The following RERG variants were observed in gnomAD, a reference collection of about 807,000 sequenced individuals.
RERG encodes the protein ras-related and estrogen-regulated growth inhibitor.
Under a neutral mutation model 23.2 loss-of-function variants are expected in RERG, and 25 were observed. The ratio of observed to expected loss-of-function variants is 1.08; its 90% CI spans 0.79 to 1.50. The LOEUF is 1.50. Ranked by LOEUF, RERG falls within the 40% of genes most tolerant of loss-of-function variation. The pLI is 0.00. For synonymous variants in RERG, 81 were observed against 89.1 expected (o/e 0.91, Z 0.51); for missense variants, 253 against 250.1 (o/e 1.01, Z -0.08).
intron 2 of RERG, among the ~76,000 whole-genome samples, chr12:15,145,385 C>G (rs1158998092): frequency 6.6e-6 from 1 of 152,194 alleles, no homozygotes; most frequent in Non-Finnish European, 1.5e-5. Flanking sequence ...TCCTTCACAG[C>G]CTGTCAGGGC....
chr12:15,216,132 G>C (rs540050951), intron 2 of RERG, among the ~76,000 whole-genome samples: 11 of 152,240 alleles, frequency 7.2e-5, no homozygotes, highest in African/African-American at 2.2e-4. Flanking sequence ...CCACTCACAG[G>C]AATCATTTCC....
intron 2 of RERG, among the ~76,000 whole-genome samples, chr12:15,147,003 G>A (rs7306411): frequency 0.041 from 6,171 of 150,578 alleles, 464 homozygotes; most frequent in African/African-American, 0.14. Flanking sequence ...CTTCAAAAAC[G>A]CCTTCTCTTT....
intron 2 of RERG, among the ~76,000 whole-genome samples, chr12:15,203,136 CTA>C (rs1190866503): frequency 1.3e-5 from 2 of 151,682 alleles, no homozygotes; most frequent in African/African-American, 4.8e-5. Flanking sequence ...AATTTAAACA[CTA>C]TTCTCAGTTT....
rs56033971 is a variant in RERG at position 15,148,847 on chromosome 12, G to GTTTTT, written c.62-27733_62-27729dup. On this transcript the variant is annotated intron_variant, in intron 2 of 4. Coordinates refer to ENST00000256953, the MANE Select transcript of RERG (RefSeq NM_032918.3). ...AATTCATTTGCAGTCCTTTAACTCT[G>GTTTTT]TTTTTTTTTTTTTTTTTTTTTTTTT... is the stretch of plus-strand genomic sequence containing the variant. Among the ~76,000 whole-genome samples, 21 of 45,560 alleles carry GTTTTT rather than the reference G, an allele frequency of 4.6e-4. 2 individuals are homozygous for GTTTTT. Among genetic ancestry groups the GTTTTT allele is most frequent in the African/African-American group, 7.1e-4 (12 of 16,946 alleles). 29.9% of individuals were successfully genotyped at this position (45,560 alleles called of 152,430 possible).
chr12:15,210,443 G>A (rs1865351268), intron 2 of RERG, among the ~76,000 whole-genome samples: 1 of 151,998 alleles, frequency 6.6e-6, no homozygotes, highest in African/African-American at 2.4e-5. Flanking sequence ...ATTTTGTTTT[G>A]TTTTGTTTTC....
At chr12:15,218,894 A>G (rs1364855175) in intron 1 of RERG, among the ~76,000 whole-genome samples, 1 of 151,974 alleles carries the variant, frequency 6.6e-6, no homozygotes, top group Non-Finnish European at 1.5e-5. Flanking sequence ...CATGGTGTCC[A>G]CTGCATTCCA....
intron 2 of RERG, among the ~76,000 whole-genome samples, chr12:15,138,744 T>C (rs954816921): frequency 6.6e-6 from 1 of 152,042 alleles, no homozygotes; most frequent in Non-Finnish European, 1.5e-5. Flanking sequence ...TGTGAATAAC[T>C]TTCTAACTCT....
intron 2 of RERG, among the ~76,000 whole-genome samples, chr12:15,206,177 G>A (rs1408826444): frequency 6.6e-6 from 1 of 152,032 alleles, no homozygotes; most frequent in Non-Finnish European, 1.5e-5. Flanking sequence ...TGTCACAATT[G>A]TTGAGGCTTA....
At chr12:15,200,503 A>C (rs1865201121) in intron 2 of RERG, among the ~76,000 whole-genome samples, 1 of 152,050 alleles carries the variant, frequency 6.6e-6, no homozygotes, top group African/African-American at 2.4e-5. Context: ...AGAAGTCATG[A>C]ATTATTCATG....
intron 2 of RERG, among the ~76,000 whole-genome samples, chr12:15,202,674 C>T (rs532402032): frequency 7.9e-5 from 12 of 151,786 alleles, no homozygotes; most frequent in African/African-American, 2.7e-4. Context: ...ATCCACTCCA[C>T]ATTTTCTTTA....
At chr12:15,160,317 C>A (rs913810414) in intron 2 of RERG, among the ~76,000 whole-genome samples, 9 of 152,122 alleles carry the variant, frequency 5.9e-5, no homozygotes. Context: ...CGGGTACCGA[C>A]CACTTGACAA....
intron 2 of RERG, among the ~76,000 whole-genome samples, chr12:15,123,089 G>A (rs6488754): frequency 0.63 from 95,794 of 151,936 alleles, 30,547 homozygotes; most frequent in Admixed American, 0.73. Context: ...GAGCCACCGC[G>A]CCCGGCCAGA....
intron 3 of RERG, among the ~76,000 whole-genome samples, chr12:15,120,716 TACCATTCTATTACGC>T (rs766593162): frequency 3.2e-4 from 49 of 152,198 alleles, no homozygotes; most frequent in Non-Finnish European, 2.1e-4. Context: ...CTTCTCAGGA[TACCATTCTATTACGC>T]ACCAAATTTT....
chr12:15,148,847 GTTTTTTTTTTTTTTTTT>G (rs56033971), intron 2 of RERG, among the ~76,000 whole-genome samples: 17 of 45,558 alleles, frequency 3.7e-4, no homozygotes, highest in South Asian at 1.1e-3. Context: ...CTTTAACTCT[GTTTTTTTTTTTTTTTTT>G]TTTTTTTTTT....
At chr12:15,147,063 A>G (rs1443786639) in intron 2 of RERG, among the ~76,000 whole-genome samples, 2 of 146,002 alleles carry the variant, frequency 1.4e-5, no homozygotes, top group Non-Finnish European at 3.0e-5. Flanking sequence ...TAATTCAGTG[A>G]AGCCAAAAAA....
chr12:15,112,396 C>T (rs1863637032), intron 3 of RERG: 1 of 152,142 alleles, frequency 6.6e-6, no homozygotes, highest in African/African-American at 2.4e-5. Context: ...TATGCTGCCT[C>T]TTCAAAGCAG....
chr12:15,156,527 A>C (rs1302913386), intron 2 of RERG, among the ~76,000 whole-genome samples: 2 of 152,246 alleles, frequency 1.3e-5, no homozygotes, highest in Non-Finnish European at 2.9e-5. Flanking sequence ...CTGATGATTC[A>C]GAAATCACTT....
chr12:15,200,635 T>C (rs1441738472), intron 2 of RERG, among the ~76,000 whole-genome samples: 1 of 151,982 alleles, frequency 6.6e-6, no homozygotes, highest in Admixed American at 6.6e-5. Flanking sequence ...AGTTATTTGA[T>C]TCACAAGAAC....
Position 15,194,748 on chromosome 12 carries a change from C to G in RERG, c.61+22681G>C, listed in dbSNP as rs542599234. On this transcript the variant is annotated intron_variant, in intron 2 of 4. Transcript: ENST00000256953. ...ATCTCTTGCTGTGTCCATTTTTCACCCTCTGGTTGCTGCAGGATGTTGGGC... is the reference window on the plus strand; with the variant it reads ...ATCTCTTGCTGTGTCCATTTTTCACGCTCTGGTTGCTGCAGGATGTTGGGC... 7.1e-4 allele frequency among the ~76,000 whole-genome samples: 108 copies of G among 152,044 alleles called. 1 individual carries two copies. In the South Asian group the frequency reaches 0.022, roughly 31 times the overall value.
Sources: allele counts gnomAD v4.1 joint callset (sites outside exome capture counted in the v4.1 genomes callset), GRCh38; gene constraint gnomAD v4.1.1; transcripts MANE v1.5; gene names NCBI Gene and HGNC (gene_info 2026-07-23, HGNC 2026-07-21).